The following DST variants were observed in gnomAD, a reference collection of about 807,000 sequenced individuals.
DST encodes dystonin, also known as bullous pemphigoid antigen.
A neutral mutation model predicts 875.2 loss-of-function variants in DST; 253 were observed. The observed-to-expected ratio is 0.29, with a 90% CI of 0.26 to 0.32. The LOEUF is 0.32. Among genes scored for constraint, DST ranks in the 10% least tolerant of loss-of-function variants. The pLI is 1.00. For missense variants in DST, 8,287 were observed against 9,111.6 expected (o/e 0.91, Z 3.68); for synonymous variants, 3,124 against 3,197.1 (o/e 0.98, Z 0.77).
intron 36 of DST, among the ~76,000 whole-genome samples, chr6:56,622,757 G>A (rs1007485014): frequency 5.9e-5 from 9 of 151,826 alleles, no homozygotes; most frequent in African/African-American, 1.9e-4. Context: ...CTTTAATCAC[G>A]GTGATTAATA....
Position 56,605,544 on chromosome 6 carries a change from A to C in DST, c.9084T>G (p.Asn3028Lys). 1 of 1,613,062 alleles carries C rather than the reference A, an allele frequency of 6.2e-7. No individual in the cohort carries two copies. The highest frequency in any genetic ancestry group is 8.5e-7 in the Non-Finnish European group (1 of 1,179,376). Reference sequence around the variant, plus strand: ...CTCTCCCTTTAATGAGATCGCTTCCATTTCCTTGAGGATCTTTGTCAGTTA... The same window carrying C: ...CTCTCCCTTTAATGAGATCGCTTCCCTTTCCTTGAGGATCTTTGTCAGTTA... ...ASVTDKDPQG[N>K]GSDLIKGRDG... The change falls in exon 40 of 104, where the codon AAT becomes AAG. Residue 3028 changes from asparagine to lysine, a missense_variant. By Grantham distance (94) the Asn-to-Lys change is moderately conservative. This residue lies in a region of DST where 3,138 missense variants were observed against 3,116.6 expected (regional missense o/e 1.01). Coordinates refer to ENST00000680361, the MANE Select transcript of DST (RefSeq NM_001374736.1).
chr6:56,679,182 T>A (rs2099145095), intron 9 of DST, among the ~76,000 whole-genome samples: 1 of 152,176 alleles, frequency 6.6e-6, no homozygotes, highest in South Asian at 2.1e-4. Flanking sequence ...ATATTATTTA[T>A]CATTTCCACC....
chr6:56,516,023 T>C (rs1167904308), intron 71 of DST, among the ~76,000 whole-genome samples: 1 of 152,022 alleles, frequency 6.6e-6, no homozygotes, highest in Non-Finnish European at 1.5e-5. Flanking sequence ...AATGAAATTG[T>C]CAAAATTTTT....
chr6:56,821,119 T>C (rs2099772568), intron 4 of DST, among the ~76,000 whole-genome samples: 1 of 152,210 alleles, frequency 6.6e-6, no homozygotes, highest in South Asian at 2.1e-4. Flanking sequence ...TTAAAATTGT[T>C]TTGACCTTCT....
At chr6:56,527,174 G>C (rs2096817770) in intron 68 of DST, among the ~76,000 whole-genome samples, 1 of 151,770 alleles carries the variant, frequency 6.6e-6, no homozygotes, top group African/African-American at 2.4e-5. Flanking sequence ...AGAAATATTG[G>C]TATTCCAACC....
intron 3 of DST, among the ~76,000 whole-genome samples, chr6:56,900,134 T>A (rs1014556943): frequency 1.3e-5 from 2 of 152,198 alleles, no homozygotes; most frequent in African/African-American, 4.8e-5. Flanking sequence ...TATGTCCCCA[T>A]CCTCATTCTA....
chr6:56,674,568 A>T (rs2099118870), intron 9 of DST, among the ~76,000 whole-genome samples: 1 of 152,190 alleles, frequency 6.6e-6, no homozygotes. Context: ...AACTGCTGGG[A>T]TTACAGGCGT....
intron 75 of DST, 60 bp from the exon 76 acceptor site, chr6:56,506,849 A>C (rs764581971): frequency 1.3e-5 from 20 of 1,528,988 alleles, no homozygotes; most frequent in Non-Finnish European, 1.6e-5. Flanking sequence ...AACTTTAAAA[A>C]GTACACAACA....
intron 9 of DST, among the ~76,000 whole-genome samples, chr6:56,673,839 G>A (rs564280815): frequency 1.6e-4 from 24 of 152,256 alleles, no homozygotes; most frequent in African/African-American, 5.8e-4. Flanking sequence ...CCCACAAGCA[G>A]GGCAGGTGAA....
chr6:56,763,661 C>T (rs1193234926), intron 4 of DST, among the ~76,000 whole-genome samples: 1 of 130,814 alleles, frequency 7.6e-6, no homozygotes, highest in Non-Finnish European at 1.6e-5. Flanking sequence ...AACGAGACTC[C>T]TCTTAAAAAA....
chr6:56,733,250 A>G (rs973148579), intron 5 of DST, among the ~76,000 whole-genome samples: 2 of 152,130 alleles, frequency 1.3e-5, no homozygotes, highest in African/African-American at 4.8e-5. Flanking sequence ...GAGGCAACAC[A>G]CCTATCAATC....
chr6:56,822,367 C>T (rs1303407117), intron 4 of DST, among the ~76,000 whole-genome samples: 1 of 152,036 alleles, frequency 6.6e-6, no homozygotes, highest in African/African-American at 2.4e-5. Context: ...GGATGGGACG[C>T]AGGGGGAGGC....
At chr6:56,808,392 A>T (rs1191186087) in intron 4 of DST, among the ~76,000 whole-genome samples, 1 of 152,238 alleles carries the variant, frequency 6.6e-6, no homozygotes, top group Non-Finnish European at 1.5e-5. Flanking sequence ...GAGACATGAA[A>T]CATGAAAAGT....
chr6:56,776,752 ACT>A (rs1013127976), intron 4 of DST, among the ~76,000 whole-genome samples: 7 of 152,124 alleles, frequency 4.6e-5, no homozygotes, highest in Admixed American at 6.6e-5. Flanking sequence ...AAAAAGGCAA[ACT>A]CTACACCTAA....
intron 3 of DST, among the ~76,000 whole-genome samples, chr6:56,883,079 G>T (rs1782983794): frequency 6.6e-6 from 1 of 152,152 alleles, no homozygotes; most frequent in Non-Finnish European, 1.5e-5. Context: ...TGTTGGCCAG[G>T]CTGGTCTCAA....
Position 56,497,489 on chromosome 6 carries a change from C to T in DST, c.20113G>A (p.Glu6705Lys), listed in dbSNP as rs376734906. ...ALRQAKGFHG[E>K]IEDLQQWLTD... ...AGCCACTGCTGCAAATCCTCAATTT[C>T]GCCATGGAACCCTTTGGCCTGAAGT... is the stretch of plus-strand genomic sequence containing the variant. Residue 6705 changes from glutamate to lysine, a missense_variant, in exon 82 of 104, where the codon GAA becomes AAA. Coordinates refer to ENST00000680361, the MANE Select transcript of DST (RefSeq NM_001374736.1). 36 of 1,612,768 alleles carry T rather than the reference C, an allele frequency of 2.2e-5. No individual in the cohort carries two copies. In the Middle Eastern group the frequency reaches 6.6e-4, roughly 30 times the overall value.
intron 4 of DST, among the ~76,000 whole-genome samples, chr6:56,845,915 A>G (rs1045452190): frequency 2.0e-5 from 3 of 152,248 alleles, no homozygotes; most frequent in Non-Finnish European, 4.4e-5. Context: ...ACATTGGGTC[A>G]ATATGCTAAT....
intron 86 of DST, among the ~76,000 whole-genome samples, chr6:56,488,282 T>C (rs1399762018): frequency 2.0e-5 from 3 of 152,232 alleles, no homozygotes; most frequent in African/African-American, 7.2e-5. Context: ...AAAAGGTAGA[T>C]ATTCTTATTT....
At chr6:56,625,972 T>TAAAAAAA (rs76788667) in intron 34 of DST, among the ~76,000 whole-genome samples, 3 of 74,922 alleles carry the variant, frequency 4.0e-5, no homozygotes, top group Admixed American at 1.5e-4. Flanking sequence ...GTTTAAAAAG[T>TAAAAAAA]AAAAAAAAAA....
Sources: allele counts gnomAD v4.1 joint callset (sites outside exome capture counted in the v4.1 genomes callset), GRCh38; gene constraint gnomAD v4.1.1; regional missense constraint gnomAD v4.1.1; transcripts MANE v1.5; gene names NCBI Gene and HGNC (gene_info 2026-07-23, HGNC 2026-07-21).